Variants in KLHL2 observed in about 807,000 individuals in gnomAD.
KLHL2 encodes kelch-like protein 2.
KLHL2 carries 15 observed loss-of-function variants against 75.8 expected under a neutral mutation model. That is an observed-to-expected ratio of 0.20 (90% CI 0.13 to 0.30). The LOEUF (loss-of-function observed/expected upper bound fraction) is 0.30, where lower values mean the gene tolerates loss of function less well. KLHL2 is among the 10% of genes least tolerant of loss of function. KLHL2 has a pLI of 1.00. For missense variants in KLHL2, 381 were observed against 741.0 expected, an observed-to-expected ratio of 0.51 and a Z score of 5.64; for synonymous variants, 214 against 251.9, an observed-to-expected ratio of 0.85 and a Z score of 1.42.
At chr4:165,235,674 A>AT (rs1739287351) in intron 3 of KLHL2, among the ~76,000 whole-genome samples, 3 of 152,140 alleles carry the variant, frequency 2.0e-5, no homozygotes, top group Admixed American at 2.0e-4. Context: ...AGAACTAGGT[A>AT]AAGAGTTGAT....
At chr4:165,245,785 A>G (rs954166690) in intron 4 of KLHL2, among the ~76,000 whole-genome samples, 1 of 152,122 alleles carries the variant, frequency 6.6e-6, no homozygotes, top group Admixed American at 6.6e-5. Flanking sequence ...TCAGGTATGG[A>G]TGAAGAACCA....
intron 7 of KLHL2, 144 bp from the exon 8 acceptor site, chr4:165,299,363 A>G (rs1745174319): frequency 1.5e-6 from 1 of 659,074 alleles, no homozygotes; most frequent in Admixed American, 3.7e-5. Context: ...TCTTAGATGT[A>G]TTTATAAACT....
At chr4:165,219,882 A>G (rs1267645659) in intron 1 of KLHL2, 52 bp from the exon 2 acceptor site, 20 of 1,534,702 alleles carry the variant, frequency 1.3e-5, no homozygotes, top group South Asian at 2.6e-5. Flanking sequence ...GCTGAACTAA[A>G]TGATCTTTAA....
At chr4:165,230,625 T>C (rs1738807979) in intron 3 of KLHL2, among the ~76,000 whole-genome samples, 1 of 151,992 alleles carries the variant, frequency 6.6e-6, no homozygotes, top group African/African-American at 2.4e-5. Flanking sequence ...AATAGAGTGA[T>C]TAACTTACAC....
At position 165,263,237 on chromosome 4, in the gene KLHL2, T is replaced by A; in HGVS notation, c.422T>A (p.Val141Glu). Residue 141 changes from valine (V) to glutamate (E), a missense_variant, in exon 5 of 15, where the codon GTG becomes GAG. Val to Glu is a moderately radical substitution (Grantham distance 121). Transcript: ENST00000226725. ...PAAGLLQLQD[V>E]KKTCCEFLES... Reference sequence around the variant, plus strand: ...GCTGGTCTCTTACAGTTACAGGATGTGAAGAAGACTTGTTGTGAATTTTTG... The same window carrying A: ...GCTGGTCTCTTACAGTTACAGGATGAGAAGAAGACTTGTTGTGAATTTTTG... 6.2e-7 allele frequency: 1 copy of A among 1,614,098 alleles called. No individual in the cohort carries two copies. Among genetic ancestry groups the A allele is most frequent in the Non-Finnish European group, 8.5e-7 (1 of 1,179,972 alleles).
chr4:165,275,081 C>T (rs746360889), intron 5 of KLHL2, among the ~76,000 whole-genome samples: 7 of 151,874 alleles, frequency 4.6e-5, no homozygotes, highest in South Asian at 2.1e-4. Flanking sequence ...GGTCAGCCTT[C>T]GTTACACTCC....
At chr4:165,211,620 C>A (rs1986031) in intron 1 of KLHL2, among the ~76,000 whole-genome samples, 24,390 of 152,054 alleles carry the variant, frequency 0.16, 2,291 homozygotes, top group Non-Finnish European at 0.22. Context: ...AGGTGAATCT[C>A]CCCAGTGATA....
At chr4:165,256,046 C>G (rs774204213) in intron 4 of KLHL2, among the ~76,000 whole-genome samples, 2 of 151,812 alleles carry the variant, frequency 1.3e-5, no homozygotes, top group Non-Finnish European at 2.9e-5. Flanking sequence ...CTTGTCTAAG[C>G]GAAACATCTT....
At chr4:165,234,296 T>C (rs1317462344) in intron 3 of KLHL2, among the ~76,000 whole-genome samples, 1 of 152,228 alleles carries the variant, frequency 6.6e-6, no homozygotes, top group African/African-American at 2.4e-5. Flanking sequence ...TTAGAGTAGA[T>C]GACAAGTGGA....
At chr4:165,303,262 A>G (rs1208080259) in intron 8 of KLHL2, among the ~76,000 whole-genome samples, 1 of 152,204 alleles carries the variant, frequency 6.6e-6, no homozygotes, top group Non-Finnish European at 1.5e-5. Context: ...GCGTGGAAAT[A>G]GAAATCTTAT....
chr4:165,211,629 T>C, intron 1 of KLHL2, among the ~76,000 whole-genome samples: 1 of 152,336 alleles, frequency 6.6e-6, no homozygotes, highest in East Asian at 1.9e-4. Flanking sequence ...TCCCCAGTGA[T>C]AGACAAAGAC....
At chr4:165,223,404 G>C (rs553230107) in intron 2 of KLHL2, among the ~76,000 whole-genome samples, 1 of 152,284 alleles carries the variant, frequency 6.6e-6, no homozygotes, top group East Asian at 1.9e-4. Context: ...CACAGAGGTG[G>C]GCTTCAGTTG....
At chr4:165,262,280 A>G (rs1334907630) in intron 4 of KLHL2, among the ~76,000 whole-genome samples, 1 of 152,228 alleles carries the variant, frequency 6.6e-6, no homozygotes, top group Non-Finnish European at 1.5e-5. Context: ...ATCACCTATT[A>G]CATTTTCCTT....
chr4:165,317,815 ATT>A lies in KLHL2; in HGVS notation c.1610-6_1610-5del. 1 of 1,603,918 alleles carries A rather than the reference ATT, an allele frequency of 6.2e-7. No homozygotes were observed. The highest frequency in any genetic ancestry group is 8.5e-7 in the Non-Finnish European group (1 of 1,174,598). ...TTTAAATAATTGTTTTCTCTCTGTA[ATT>A]TTTTAAAGGAGTTTGTGCAGTTAAT... is the stretch of plus-strand genomic sequence containing the variant. On this transcript the variant is annotated splice_polypyrimidine_tract_variant and intron_variant, in intron 13 of 14. Coordinates refer to ENST00000226725, the MANE Select transcript of KLHL2 (RefSeq NM_007246.4).
intron 3 of KLHL2, among the ~76,000 whole-genome samples, chr4:165,234,176 C>T (rs1324361380): frequency 6.6e-6 from 1 of 152,194 alleles, no homozygotes; most frequent in Non-Finnish European, 1.5e-5. Flanking sequence ...GTTACATACT[C>T]TGACCATCAC....
intron 11 of KLHL2, among the ~76,000 whole-genome samples, chr4:165,311,803 TTCTC>T (rs538062188): frequency 9.1e-6 from 1 of 109,896 alleles, no homozygotes; most frequent in African/African-American, 4.1e-5. Flanking sequence ...CCCTCCTCCT[TTCTC>T]TCTGTGTGTG....
At chr4:165,310,153 A>C (rs147778951) in intron 9 of KLHL2, among the ~76,000 whole-genome samples, 21 of 151,994 alleles carry the variant, frequency 1.4e-4, no homozygotes, top group Non-Finnish European at 2.8e-4. Context: ...GTGAAACCCC[A>C]TCTCTACTAA....
intron 5 of KLHL2, among the ~76,000 whole-genome samples, chr4:165,288,930 A>G (rs1362145813): frequency 6.6e-6 from 1 of 151,826 alleles, no homozygotes; most frequent in Non-Finnish European, 1.5e-5. Flanking sequence ...TAGTGGTAAT[A>G]TAAGAGCATT....
chr4:165,310,452 C>A, intron 9 of KLHL2, 101 bp from the exon 10 acceptor site: 1 of 951,122 alleles, frequency 1.1e-6, no homozygotes. Context: ...CTAAGAGTAG[C>A]ATGTTCTGAC....
Sources: gnomAD v4.1 joint callset for allele counts (sites outside exome capture counted in the v4.1 genomes callset) on GRCh38, gnomAD v4.1.1 for gene constraint, MANE v1.5 for transcripts, NCBI Gene and HGNC (gene_info 2026-07-23, HGNC 2026-07-21) for gene names.